ZNG1A: variants seen among roughly 807,000 people sequenced by gnomAD.
The protein encoded by ZNG1A is zinc-regulated GTPase metalloprotein activator 1A.
At chr9:129,691 A>G in the ZNG1A span, among the ~76,000 whole-genome samples, 2 of 150,614 alleles carry the variant, frequency 1.3e-5, no homozygotes, top group African/African-American at 2.5e-5. Context: ...GGGCTGTTCA[A>G]TGGGGATAAT....
the ZNG1A span, chr9:167,207 G>C: frequency 6.6e-6 from 1 of 151,382 alleles, no homozygotes; most frequent in African/African-American, 2.4e-5. Flanking sequence ...TCTAATGAAA[G>C]TGTTCCCAAA....
chr9:174,671 C>T, the ZNG1A span, among the ~76,000 whole-genome samples: 2 of 150,412 alleles, frequency 1.3e-5, no homozygotes, highest in Non-Finnish European at 3.0e-5. Flanking sequence ...AACTGGCTTC[C>T]CATCCTGTTC....
chr9:129,211 G>C, the ZNG1A span, among the ~76,000 whole-genome samples: 1 of 152,140 alleles, frequency 6.6e-6, no homozygotes, highest in Non-Finnish European at 1.5e-5. Flanking sequence ...GTATGGAAAG[G>C]AACAGGTGAT....
the ZNG1A span, among the ~76,000 whole-genome samples, chr9:126,970 C>CA: frequency 6.6e-6 from 1 of 152,064 alleles, no homozygotes; most frequent in Non-Finnish European, 1.5e-5. Flanking sequence ...CAGGTTATTC[C>CA]ATGTATCGGC....
the ZNG1A span, among the ~76,000 whole-genome samples, chr9:158,636 C>A: frequency 3.3e-5 from 5 of 150,546 alleles, no homozygotes; most frequent in African/African-American, 1.2e-4. Context: ...TATTAGAATT[C>A]TTCACTCAAA....
At chr9:156,346 C>G in the ZNG1A span, 2 of 1,258,414 alleles carry the variant, frequency 1.6e-6, no homozygotes, top group South Asian at 2.9e-5. Context: ...AGCAATAATT[C>G]AACTAAGGGA....
chr9:163,914 A>C, the ZNG1A span: 2 of 1,494,820 alleles, frequency 1.3e-6, no homozygotes, highest in South Asian at 1.2e-5. Flanking sequence ...CAACAAAGTG[A>C]GACTCTGTCT....
At chr9:127,739 C>A in the ZNG1A span, among the ~76,000 whole-genome samples, 4 of 151,998 alleles carry the variant, frequency 2.6e-5, no homozygotes, top group African/African-American at 9.7e-5. Context: ...TGCCTGTATA[C>A]CTTGTTTTTC....
chr9:138,369 CTCAA>C, the ZNG1A span, among the ~76,000 whole-genome samples: 50 of 136,038 alleles, frequency 3.7e-4, no homozygotes, highest in South Asian at 2.1e-3. Context: ...CTGAAATAAT[CTCAA>C]TCAATTTCTT....
chr9:156,125 A>C, the ZNG1A span, among the ~76,000 whole-genome samples: 1 of 110,620 alleles, frequency 9.0e-6, no homozygotes, highest in Non-Finnish European at 1.9e-5. Flanking sequence ...ATTCTGTCTC[A>C]AAAAATAATA....
chr9:143,768 G>A, the ZNG1A span, among the ~76,000 whole-genome samples: 23,572 of 109,556 alleles, frequency 0.22, 3,334 homozygotes, highest in Admixed American at 0.26. Context: ...CCTGTTTGCA[G>A]ATGACATGAT....
chr9:173,439 C>G, the ZNG1A span: 1 of 1,602,310 alleles, frequency 6.2e-7, no homozygotes, highest in Non-Finnish European at 8.5e-7. Flanking sequence ...GAGGATAACT[C>G]AATAATGGAG....
At chr9:178,915 AATCCTCCTCCGCAGG>A in the ZNG1A span, 41 of 1,140,662 alleles carry the variant, frequency 3.6e-5, 9 homozygotes, top group African/African-American at 5.5e-4. Context: ...AATTCAGGAC[AATCCTCCTCCGCAGG>A]ATCCTCCTCC....
the ZNG1A span, among the ~76,000 whole-genome samples, chr9:143,592 T>C: frequency 2.4e-5 from 3 of 125,744 alleles, 1 homozygote; most frequent in Non-Finnish European, 4.8e-5. Context: ...AATATCATAC[T>C]GAATGGGCAA....
the ZNG1A span, chr9:163,958 A>G: frequency 1.3e-6 from 2 of 1,583,072 alleles, no homozygotes; most frequent in Non-Finnish European, 1.7e-6. Context: ...AAGATAAAAG[A>G]AAACTGTTTT....
At chr9:127,170 T>C in the ZNG1A span, among the ~76,000 whole-genome samples, 4 of 152,140 alleles carry the variant, frequency 2.6e-5, no homozygotes, top group Non-Finnish European at 5.9e-5. Flanking sequence ...TTGGATGGAA[T>C]ATTCTGTATA....
At chr9:177,913 A>C in the ZNG1A span, 1 of 1,512,538 alleles carries the variant, frequency 6.6e-7, no homozygotes, top group Non-Finnish European at 8.9e-7. Context: ...TTTTAAAAAA[A>C]ACAAAAGCAG....
At chr9:173,966 T>G in the ZNG1A span, among the ~76,000 whole-genome samples, 280 of 151,990 alleles carry the variant, frequency 1.8e-3, 2 homozygotes, top group African/African-American at 6.4e-3. Context: ...GCTAACACAA[T>G]GAAACCTCAT....
the ZNG1A span, among the ~76,000 whole-genome samples, chr9:126,601 T>G: frequency 4.6e-5 from 7 of 152,180 alleles, 1 homozygote; most frequent in Admixed American, 4.6e-4. Flanking sequence ...CTCTCTTTTC[T>G]TGGCTGATCT....
Sources: allele counts gnomAD v4.1 joint callset (sites outside exome capture counted in the v4.1 genomes callset), GRCh38; gene constraint gnomAD v4.1.1; transcripts MANE v1.5; gene names NCBI Gene and HGNC (gene_info 2026-07-23, HGNC 2026-07-21).